Variants in TPRG1 observed in about 807,000 individuals in gnomAD.
TPRG1 encodes tumor protein p63-regulated gene 1 protein.
TPRG1 carries 29 observed loss-of-function variants against 29.3 expected under a neutral mutation model. That is an observed-to-expected ratio of 0.99 (90% CI 0.74 to 1.35). TPRG1 has a LOEUF of 1.35. Ranked by LOEUF, TPRG1 falls within the 40% of genes most tolerant of loss-of-function variation. The probability of loss-of-function intolerance (pLI) is 0.00; values close to 1 mark genes in which losing one functional copy is unlikely to be tolerated. For synonymous variants in TPRG1, 130 were observed against 116.8 expected (o/e 1.11, Z -0.73); for missense variants, 327 against 335.0 (o/e 0.98, Z 0.19).
At chr3:189,113,902 A>G (rs997987290) in intron 1 of TPRG1, among the ~76,000 whole-genome samples, 4 of 147,284 alleles carry the variant, frequency 2.7e-5, no homozygotes, top group Non-Finnish European at 5.9e-5. Flanking sequence ...CATGTACCCT[A>G]AAACTTAAAG....
chr3:189,076,811 A>C (rs1333073251), intron 4 of TPRG1, among the ~76,000 whole-genome samples: 1 of 152,124 alleles, frequency 6.6e-6, no homozygotes, highest in East Asian at 1.9e-4. Context: ...TGAATACCCA[A>C]ACTCTCAAAT....
At chr3:189,072,104 C>G (rs1003639243) in intron 4 of TPRG1, among the ~76,000 whole-genome samples, 4 of 152,180 alleles carry the variant, frequency 2.6e-5, no homozygotes, top group African/African-American at 9.7e-5. Flanking sequence ...ATTTTATGTT[C>G]TCACTGAACT....
chr3:189,016,685 T>G (rs141869944), intron 3 of TPRG1, among the ~76,000 whole-genome samples: 5 of 152,204 alleles, frequency 3.3e-5, no homozygotes, highest in African/African-American at 7.2e-5. Flanking sequence ...ATTCTTGTAA[T>G]AGTGAGTGAG....
intron 4 of TPRG1, among the ~76,000 whole-genome samples, chr3:189,253,886 G>A (rs562960539): frequency 1.8e-3 from 269 of 152,212 alleles, no homozygotes; most frequent in African/African-American, 5.6e-3. Flanking sequence ...TTTGTTGGCC[G>A]CATAAATGTC....
chr3:189,226,419 A>C (rs564945105), intron 3 of TPRG1, among the ~76,000 whole-genome samples: 15 of 152,216 alleles, frequency 9.9e-5, no homozygotes, highest in Admixed American at 2.6e-4. Context: ...CTTCTAAATA[A>C]TTCAGTGATC....
At chr3:189,077,013 A>G (rs1422638611) in intron 4 of TPRG1, among the ~76,000 whole-genome samples, 5 of 152,052 alleles carry the variant, frequency 3.3e-5, no homozygotes, top group African/African-American at 1.2e-4. Flanking sequence ...AATGGCTAAA[A>G]TCAAGAAGAC....
At chr3:189,256,617 C>G (rs1031703765) in intron 4 of TPRG1, among the ~76,000 whole-genome samples, 2 of 152,098 alleles carry the variant, frequency 1.3e-5, no homozygotes, top group East Asian at 3.9e-4. Flanking sequence ...TTAAAGTCTC[C>G]CACTATTATT....
At chr3:189,000,932 G>T (rs1711989411) in intron 2 of TPRG1, 1 of 151,932 alleles carries the variant, frequency 6.6e-6, no homozygotes, top group African/African-American at 2.4e-5. Context: ...TATTTTTGTG[G>T]AGATGGGGCC....
At chr3:188,997,785 T>C (rs966730193) in intron 1 of TPRG1, among the ~76,000 whole-genome samples, 3 of 152,190 alleles carry the variant, frequency 2.0e-5, no homozygotes, top group Non-Finnish European at 2.9e-5. Context: ...AGCTGTCTCC[T>C]ATATATCTTT....
In TPRG1 at chr3:189,037,508, A is replaced by G. The variant is rs184447106; in HGVS notation, c.-463+13562A>G. On this transcript the variant is annotated intron_variant, in intron 4 of 10. Coordinates refer to the TPRG1 transcript ENST00000433971. ...CTTATTAACTAGTTAAAGGCTGTAT[A>G]TGAACAACTTTCAGTAAGTATTTTT... 2.7e-3 allele frequency among the ~76,000 whole-genome samples: 407 copies of G among 152,110 alleles called. 2 individuals are homozygous for G. The highest frequency in any genetic ancestry group is 8.9e-3 in the South Asian group (43 of 4,828).
At chr3:189,281,835 G>C (rs1420793107) in intron 4 of TPRG1, among the ~76,000 whole-genome samples, 1 of 151,986 alleles carries the variant, frequency 6.6e-6, no homozygotes, top group Non-Finnish European at 1.5e-5. Context: ...GTCTAAACCA[G>C]CTCCCAGAAA....
chr3:189,288,396 T>TAGGAA (rs1718437202), intron 4 of TPRG1, among the ~76,000 whole-genome samples: 2 of 152,172 alleles, frequency 1.3e-5, no homozygotes, highest in South Asian at 4.1e-4. Context: ...GGAATGAATA[T>TAGGAA]TATAGCACAT....
chr3:189,097,144 T>C (rs185632319), upstream of TPRG1, among the ~76,000 whole-genome samples: 10 of 152,338 alleles, frequency 6.6e-5, no homozygotes, highest in East Asian at 1.9e-3. Flanking sequence ...TTGGCACATT[T>C]CATTCCAAAA....
intron 3 of TPRG1, among the ~76,000 whole-genome samples, chr3:189,141,031 A>T (rs543764773): frequency 6.6e-6 from 1 of 152,202 alleles, no homozygotes; most frequent in African/African-American, 2.4e-5. Flanking sequence ...CAAGTACATC[A>T]AGCTTTATAA....
chr3:189,222,358 A>G (rs1299340918), intron 3 of TPRG1, among the ~76,000 whole-genome samples: 1 of 152,202 alleles, frequency 6.6e-6, no homozygotes, highest in Non-Finnish European at 1.5e-5. Context: ...ACTGGAAATC[A>G]GAGATTTCTA....
rs1739974484 is a variant in TPRG1, at chr3:189,238,736, A to G, written c.306A>G (p.Ile102Met). 1 of 1,610,460 alleles carries G rather than the reference A, an allele frequency of 6.2e-7. No homozygotes were observed. Among genetic ancestry groups the G allele is most frequent in the Non-Finnish European group, 8.5e-7 (1 of 1,177,880 alleles). ...TTTGCTATGATGATTCCTATAGGAT[A>G]GACCACTGGAACAATGAGAAGGAGA... ...TIQGFWLLTKIDHWNNEKERI... is the reference protein window; with the variant it reads ...TIQGFWLLTKMDHWNNEKERI... Residue 102 changes from isoleucine to methionine, a missense_variant, in exon 4 of 6, where the codon ATA becomes ATG. Physicochemically the swap from Ile to Met is conservative, Grantham distance 10. Coordinates refer to ENST00000345063, the MANE Select transcript of TPRG1 (RefSeq NM_198485.4).
At chr3:189,060,022 C>T (rs1459433489) in intron 4 of TPRG1, among the ~76,000 whole-genome samples, 1 of 152,184 alleles carries the variant, frequency 6.6e-6, no homozygotes, top group Non-Finnish European at 1.5e-5. Flanking sequence ...CACCTGAGGT[C>T]TGGAGTTTGA....
chr3:188,999,976 C>T (rs1438210126), intron 1 of TPRG1, among the ~76,000 whole-genome samples: 1 of 151,956 alleles, frequency 6.6e-6, no homozygotes, highest in African/African-American at 2.4e-5. Context: ...AAATATTATA[C>T]CCTTTTATAC....
At chr3:189,011,062 T>C (rs190563492) in intron 3 of TPRG1, among the ~76,000 whole-genome samples, 4 of 152,168 alleles carry the variant, frequency 2.6e-5, no homozygotes, top group Non-Finnish European at 5.9e-5. Flanking sequence ...TTGTTGAAGA[T>C]CAGATGGTTA....
Sources: allele counts gnomAD v4.1 joint callset (sites outside exome capture counted in the v4.1 genomes callset), GRCh38; gene constraint gnomAD v4.1.1; transcripts MANE v1.5; gene names NCBI Gene and HGNC (gene_info 2026-07-23, HGNC 2026-07-21).